PHF20L1: variants seen among roughly 807,000 people sequenced by gnomAD.
PHF20L1 encodes PHD finger protein 20 like 1.
Under a neutral mutation model 125.5 loss-of-function variants are expected in PHF20L1, and 44 were observed. The ratio of observed to expected loss-of-function variants is 0.35; its 90% CI spans 0.28 to 0.45. The LOEUF (loss-of-function observed/expected upper bound fraction) is 0.45, where lower values mean the gene tolerates loss of function less well. Among genes scored for constraint, PHF20L1 ranks in the 20% least tolerant of loss-of-function variants. The pLI is 1.00. For synonymous variants in PHF20L1, 380 were observed against 403.1 expected (o/e 0.94, Z 0.69); for missense variants, 1,012 against 1,217.2 (o/e 0.83, Z 2.51).
Position 132,825,376 on chromosome 8 carries a change from G to A in PHF20L1, c.1744+5G>A. 6.7e-7 allele frequency: 1 copy of A among 1,485,992 alleles called. No individual in the cohort carries two copies. The highest frequency in any genetic ancestry group is 9.0e-7 in the Non-Finnish European group (1 of 1,113,368). The allele number at this position is 1,485,992 out of a possible 1,614,324, so 92.1% of individuals were successfully genotyped here. ...AAAAGAAATCTAAGCAACATGGTAAGTACACTGAGATGATTATTCCCTCTT... is the reference window on the plus strand; with the variant it reads ...AAAAGAAATCTAAGCAACATGGTAAATACACTGAGATGATTATTCCCTCTT... On this transcript the variant is annotated splice_donor_5th_base_variant and intron_variant, in intron 14 of 20. Transcript: ENST00000395386.
chr8:132,825,048 G>T lies in PHF20L1; in HGVS notation c.1637-216G>T, dbSNP rs180996373. 1.1e-4 allele frequency: 159 copies of T among 1,464,334 alleles called. No individual in the cohort carries two copies. In the Admixed American group the frequency reaches 2.9e-3, roughly 26 times the overall value. The allele number at this position is 1,464,334 out of a possible 1,614,324, so 90.7% of individuals were successfully genotyped here. ...GTTAACTTTAAGGTATCAGGAGTTG[G>T]GATTTCTCAGCACTGCTAATGAAGA... On this transcript the variant is annotated intron_variant, in intron 13 of 20. Coordinates refer to ENST00000395386, the MANE Select transcript of PHF20L1 (RefSeq NM_016018.5).
Position 132,804,621 on chromosome 8 carries a change from A to C in PHF20L1, c.728A>C (p.His243Pro), listed in dbSNP as rs1420391675. The C allele has an allele frequency of 1.9e-6, 3 of 1,605,900 alleles. No individual in the cohort carries two copies. The highest frequency in any genetic ancestry group is 3.3e-5 in the Admixed American group (2 of 59,702). The change falls in exon 8 of 21, where the codon CAT (histidine) becomes CCT (proline). Residue 243 changes from histidine to proline, a missense_variant. His to Pro is a moderately conservative substitution (Grantham distance 77, BLOSUM62 -2). This residue lies in a region of PHF20L1 where 134 missense variants were observed against 145.9 expected (regional missense o/e 0.92). Coordinates refer to ENST00000395386, the MANE Select transcript of PHF20L1 (RefSeq NM_016018.5). ...TGTGTTCTGTTGAAAGTAGGACTTCATGTAGAGAACGTTCCAAAGATGGTC... is the reference window on the plus strand; with the variant it reads ...TGTGTTCTGTTGAAAGTAGGACTTCCTGTAGAGAACGTTCCAAAGATGGTC... ...LPTSSETFGLHVENVPKMVFP... is the reference protein window; with the variant it reads ...LPTSSETFGLPVENVPKMVFP...
chr8:132,843,965 T>C (rs922795939), intron 19 of PHF20L1, 191 bp from the exon 20 acceptor site: 1 of 985,128 alleles, frequency 1.0e-6, no homozygotes, highest in Non-Finnish European at 1.2e-6. Flanking sequence ...AGGGAGGTGG[T>C]GGGTGCATCA....
chr8:132,845,159 ATAT>A (rs1281042108), intron 20 of PHF20L1, among the ~76,000 whole-genome samples: 1 of 152,122 alleles, frequency 6.6e-6, no homozygotes, highest in Non-Finnish European at 1.5e-5. Flanking sequence ...ATACTATTTC[ATAT>A]TATTAGGGTA....
chr8:132,817,074 A>C lies in PHF20L1; in HGVS notation c.1370A>C (p.Glu457Ala), dbSNP rs1460978312. 6.5e-7 allele frequency: 1 copy of C among 1,527,518 alleles called. No individual in the cohort carries two copies. Among genetic ancestry groups the C allele is most frequent in the Non-Finnish European group, 8.8e-7 (1 of 1,131,572 alleles). 94.6% of individuals were successfully genotyped at this position (1,527,518 alleles called of 1,614,324 possible). The change falls in exon 11 of 21, where the codon GAG (glutamate) becomes GCG (alanine). Residue 457 changes from glutamate to alanine, a missense_variant and splice_region_variant. By Grantham distance (107) the Glu-to-Ala change is moderately radical (BLOSUM62 -1). Transcript: ENST00000395386. ...AATCAGCAAGAATCTTCAGTACCAG[A>C]GGGTAATGTATATTGATTTCCTATA... Reference protein sequence around the residue: ...SQNQQESSVPEVPDVAHLPLE... With the variant: ...SQNQQESSVPAVPDVAHLPLE...
chr8:132,782,803 C>T (rs916417304), intron 2 of PHF20L1, among the ~76,000 whole-genome samples: 2 of 150,838 alleles, frequency 1.3e-5, no homozygotes, highest in African/African-American at 2.4e-5. Context: ...AAAGCGATCT[C>T]TCTGTGTTGC....
At chr8:132,796,002 G>A (rs1832346920) in intron 4 of PHF20L1, among the ~76,000 whole-genome samples, 1 of 152,020 alleles carries the variant, frequency 6.6e-6, no homozygotes, top group Non-Finnish European at 1.5e-5. Context: ...GCGAAATCGC[G>A]GATAAGGGGG....
At chr8:132,815,708 T>C (rs1834900468) in intron 10 of PHF20L1, 1 of 151,978 alleles carries the variant, frequency 6.6e-6, no homozygotes, top group African/African-American at 2.4e-5. Context: ...AGAAGACTTT[T>C]ATCAAACTTA....
intron 19 of PHF20L1, 187 bp from the exon 20 acceptor site, chr8:132,843,969 T>C: frequency 1.0e-6 from 1 of 985,240 alleles, no homozygotes. Context: ...AGGTGGTGGG[T>C]GCATCAGCTC....
rs80255247 is a variant in PHF20L1 at position 132,824,669 on chromosome 8, T to C, written c.1637-595T>C. 52 of 168,048 alleles carry C rather than the reference T, an allele frequency of 3.1e-4. 1 individual carries two copies. In the East Asian group the frequency reaches 7.9e-3, roughly 25 times the overall value. The allele number at this position is 168,048 out of a possible 1,614,324, so 10.4% of individuals were successfully genotyped here. On this transcript the variant is annotated intron_variant, in intron 13 of 20. Coordinates refer to ENST00000395386, the MANE Select transcript of PHF20L1 (RefSeq NM_016018.5). ...TAGGATACTGCTCTAATATTTATTT[T>C]TTTAAGTACATATGATTGGGGAAAA...
Position 132,825,378 on chromosome 8 carries a change from A to C in PHF20L1, c.1744+7A>C. On this transcript the variant is annotated splice_region_variant and intron_variant, in intron 14 of 20. Coordinates refer to ENST00000395386, the MANE Select transcript of PHF20L1 (RefSeq NM_016018.5). Reference sequence around the variant, plus strand: ...AAGAAATCTAAGCAACATGGTAAGTACACTGAGATGATTATTCCCTCTTTT... The same window carrying C: ...AAGAAATCTAAGCAACATGGTAAGTCCACTGAGATGATTATTCCCTCTTTT... 6.8e-7 allele frequency: 1 copy of C among 1,480,910 alleles called. No individual in the cohort carries two copies. The highest frequency in any genetic ancestry group is 1.4e-5 in the African/African-American group (1 of 69,652). 91.7% of individuals were successfully genotyped at this position (1,480,910 alleles called of 1,614,324 possible).
rs1835886637 is a variant in PHF20L1, at chr8:132,824,024, A to G, written c.1600A>G (p.Lys534Glu). 6.2e-7 allele frequency: 1 copy of G among 1,601,190 alleles called. No homozygotes were observed. Among genetic ancestry groups the G allele is most frequent in the East Asian group, 2.2e-5 (1 of 44,528 alleles). ...AAAGISKTEK[K>E]VKLEDKSSTA... ...CACAGGAATATCGAAAACAGAAAAA[A>G]AAGTGAAATTGGAAGACAAAAGCTC... The change falls in exon 13 of 21, where the codon AAA becomes GAA. Residue 534 changes from lysine to glutamate, a missense_variant. Around this residue, in one of 7 missense-constraint regions of PHF20L1, gnomAD observed 320 missense variants for 293.8 expected, o/e 1.09. Transcript: ENST00000395386.
intron 4 of PHF20L1, among the ~76,000 whole-genome samples, chr8:132,796,302 G>C (rs1832384561): frequency 6.6e-6 from 1 of 152,022 alleles, no homozygotes. Flanking sequence ...GAAAGGCAAA[G>C]ATTGGTATAT....
chr8:132,794,821 T>A lies in PHF20L1; in HGVS notation c.340+4T>A. 6.3e-7 allele frequency: 1 copy of A among 1,590,310 alleles called. No homozygotes were observed. The highest frequency in any genetic ancestry group is 1.1e-5 in the South Asian group (1 of 89,410). ...ATTGAAGCAATTAACAAAGAAGGTA[T>A]GTGTTTGAAATGATCTGAGACTTAA... On this transcript the variant is annotated splice_donor_region_variant and intron_variant, in intron 4 of 20. Coordinates refer to ENST00000395386, the MANE Select transcript of PHF20L1 (RefSeq NM_016018.5).
chr8:132,792,839 T>C (rs1260407153), intron 2 of PHF20L1, among the ~76,000 whole-genome samples: 1 of 152,194 alleles, frequency 6.6e-6, no homozygotes, highest in Non-Finnish European at 1.5e-5. Context: ...TTTTCTTGAC[T>C]CTAGTAACAC....
intron 9 of PHF20L1, chr8:132,812,685 T>G: frequency 1.0e-6 from 1 of 985,018 alleles, no homozygotes; most frequent in South Asian, 4.7e-5. Flanking sequence ...ATTTTTATCC[T>G]ATGTGTTAGC....
intron 2 of PHF20L1, among the ~76,000 whole-genome samples, chr8:132,788,154 G>A (rs923163247): frequency 1.3e-5 from 2 of 152,046 alleles, no homozygotes; most frequent in African/African-American, 4.8e-5. Flanking sequence ...TCCTTGTTCA[G>A]ATACTCTTTC....
intron 4 of PHF20L1, 101 bp from the exon 5 acceptor site, chr8:132,798,671 C>A: frequency 1.5e-6 from 1 of 675,914 alleles, no homozygotes. Context: ...TTTTTGCATT[C>A]CTAAAGCATT....
chr8:132,781,907 A>G (rs555083474), intron 2 of PHF20L1, among the ~76,000 whole-genome samples: 12 of 152,316 alleles, frequency 7.9e-5, no homozygotes, highest in East Asian at 5.8e-4. Flanking sequence ...CTGACCAAAC[A>G]TAACTCCTGA....
Sources: gnomAD v4.1 joint callset for allele counts (sites outside exome capture counted in the v4.1 genomes callset) on GRCh38, gnomAD v4.1.1 for gene constraint, gnomAD v4.1.1 regional missense constraint, MANE v1.5 for transcripts, NCBI Gene and HGNC (gene_info 2026-07-23, HGNC 2026-07-21) for gene names.